Variants in ADAMTSL1 observed in about 807,000 individuals in gnomAD.
The protein encoded by ADAMTSL1 is ADAMTS like 1.
In ADAMTSL1, 126 loss-of-function variants were observed where a neutral mutation model predicts 201.8. The ratio of observed to expected loss-of-function variants is 0.62; its 90% confidence interval spans 0.54 to 0.72. ADAMTSL1 has a LOEUF of 0.72. ADAMTSL1 is among the 30% of genes least tolerant of loss of function. The pLI, the probability that ADAMTSL1 is intolerant of heterozygous loss-of-function variation, is 0.00. For synonymous variants in ADAMTSL1, 1,121 were observed against 903.4 expected (o/e 1.24, Z -4.32); for missense variants, 2,679 against 2,277.8 (o/e 1.18, Z -3.59).
chr9:17,952,322 C>G (rs966283550), intron 1 of ADAMTSL1, among the ~76,000 whole-genome samples: 1 of 151,896 alleles, frequency 6.6e-6, no homozygotes, highest in Non-Finnish European at 1.5e-5. Context: ...AAATAATATT[C>G]TTATGAAGTA....
chr9:18,905,315 C>T (rs1830239844), intron 26 of ADAMTSL1, among the ~76,000 whole-genome samples: 1 of 152,092 alleles, frequency 6.6e-6, no homozygotes, highest in African/African-American at 2.4e-5. Flanking sequence ...TTCAGTCATC[C>T]TAGGTTTAAC....
intron 7 of ADAMTSL1, among the ~76,000 whole-genome samples, chr9:18,655,382 G>C (rs527833520): frequency 6.6e-6 from 1 of 152,246 alleles, no homozygotes; most frequent in African/African-American, 2.4e-5. Context: ...CTGAAACATT[G>C]TGATTATAGA....
intron 2 of ADAMTSL1, among the ~76,000 whole-genome samples, chr9:18,297,158 C>T (rs969972014): frequency 6.6e-6 from 1 of 152,068 alleles, no homozygotes; most frequent in Non-Finnish European, 1.5e-5. Context: ...TAAGTCAGCC[C>T]GTATTATCTC....
chr9:18,029,911 G>A (rs1820870891), intron 1 of ADAMTSL1, among the ~76,000 whole-genome samples: 1 of 151,712 alleles, frequency 6.6e-6, no homozygotes, highest in East Asian at 1.9e-4. Flanking sequence ...GTGCTGGAGA[G>A]GATGTGGAGA....
chr9:17,963,924 C>G (rs1002853483), intron 1 of ADAMTSL1, among the ~76,000 whole-genome samples: 13 of 152,108 alleles, frequency 8.5e-5, no homozygotes, highest in Admixed American at 5.2e-4. Context: ...TTCCAATTCT[C>G]CTCAATTATA....
intron 2 of ADAMTSL1, among the ~76,000 whole-genome samples, chr9:18,352,360 G>A (rs1475197435): frequency 6.6e-6 from 1 of 152,144 alleles, no homozygotes; most frequent in Non-Finnish European, 1.5e-5. Flanking sequence ...AGTAGTCTTT[G>A]GATAAGGATG....
At chr9:17,952,492 C>G in intron 1 of ADAMTSL1, among the ~76,000 whole-genome samples, 1 of 152,070 alleles carries the variant, frequency 6.6e-6, no homozygotes, top group Non-Finnish European at 1.5e-5. Context: ...TGCCTTTGCT[C>G]TCATACCCAG....
intron 23 of ADAMTSL1, among the ~76,000 whole-genome samples, chr9:18,882,915 C>G (rs955155237): frequency 2.0e-5 from 3 of 151,494 alleles, no homozygotes; most frequent in African/African-American, 7.3e-5. Context: ...TCACTTGAGC[C>G]CAGGAGTTCA....
intron 4 of ADAMTSL1, among the ~76,000 whole-genome samples, chr9:18,597,987 G>A (rs1007010298): frequency 2.0e-5 from 3 of 152,114 alleles, no homozygotes; most frequent in Non-Finnish European, 4.4e-5. Context: ...GCCCTGAGGA[G>A]CCCAAATCAA....
At chr9:18,723,201 C>T (rs41298157) in intron 15 of ADAMTSL1, 11,981 of 688,662 alleles carry the variant, frequency 0.017, 142 homozygotes, top group African/African-American at 0.037. Context: ...ATGACTTGCT[C>T]ACATGTCCCA....
intron 2 of ADAMTSL1, among the ~76,000 whole-genome samples, chr9:18,303,829 T>C (rs974519469): frequency 3.3e-5 from 5 of 152,174 alleles, no homozygotes; most frequent in Non-Finnish European, 7.4e-5. Flanking sequence ...CCATTTGCTA[T>C]TTTGACCTGG....
chr9:18,697,474 C>T (rs916023472), intron 13 of ADAMTSL1, among the ~76,000 whole-genome samples: 5 of 152,096 alleles, frequency 3.3e-5, no homozygotes, highest in African/African-American at 9.7e-5. Flanking sequence ...TAGAAAATGC[C>T]AGCAGTTCGT....
intron 2 of ADAMTSL1, among the ~76,000 whole-genome samples, chr9:18,381,323 A>T (rs1837546468): frequency 6.6e-6 from 1 of 152,182 alleles, no homozygotes; most frequent in South Asian, 2.1e-4. Flanking sequence ...AATATCAATC[A>T]TGTCTACCAT....
chr9:18,691,352 G>C (rs921048202), intron 13 of ADAMTSL1, among the ~76,000 whole-genome samples: 1 of 152,152 alleles, frequency 6.6e-6, no homozygotes, highest in Admixed American at 6.6e-5. Flanking sequence ...ACCGATGTTT[G>C]ACAGATTATG....
At chr9:18,426,277 G>A (rs1464340602) in intron 2 of ADAMTSL1, among the ~76,000 whole-genome samples, 2 of 152,120 alleles carry the variant, frequency 1.3e-5, no homozygotes, top group Non-Finnish European at 2.9e-5. Context: ...AAGTCATAGA[G>A]GGCTGGGATA....
At chr9:18,307,018 G>C (rs1288271659) in intron 2 of ADAMTSL1, among the ~76,000 whole-genome samples, 1 of 152,190 alleles carries the variant, frequency 6.6e-6, no homozygotes, top group Non-Finnish European at 1.5e-5. Flanking sequence ...CTACAAGCCA[G>C]AATAGAGTGG....
At chr9:18,169,608 G>C (rs1277796699) in intron 2 of ADAMTSL1, among the ~76,000 whole-genome samples, 1 of 152,098 alleles carries the variant, frequency 6.6e-6, no homozygotes, top group Non-Finnish European at 1.5e-5. Context: ...TGGCGATGCG[G>C]GCTCTTTTTT....
chr9:18,179,746 C>A (rs1828367243), intron 2 of ADAMTSL1, among the ~76,000 whole-genome samples: 1 of 152,088 alleles, frequency 6.6e-6, no homozygotes, highest in Non-Finnish European at 1.5e-5. Flanking sequence ...AAAGAATTTT[C>A]AACCCAGAAT....
At chr9:18,624,890 G>A (rs6475236) in intron 5 of ADAMTSL1, among the ~76,000 whole-genome samples, 2 of 152,008 alleles carry the variant, frequency 1.3e-5, no homozygotes, top group Admixed American at 6.6e-5. Context: ...TGACAAAATG[G>A]AATTGATTCG....
Sources: gnomAD v4.1 joint callset for allele counts (sites outside exome capture counted in the v4.1 genomes callset) on GRCh38, gnomAD v4.1.1 for gene constraint, MANE v1.5 for transcripts, NCBI Gene and HGNC (gene_info 2026-07-23, HGNC 2026-07-21) for gene names.